NRXN3: variants seen among roughly 807,000 people sequenced by gnomAD.
NRXN3 encodes neurexin III.
Under a neutral mutation model 137.6 loss-of-function variants are expected in NRXN3, and 32 were observed. That is an observed-to-expected ratio of 0.23 (90% CI 0.18 to 0.31). The LOEUF (loss-of-function observed/expected upper bound fraction) is 0.31. Ranked by LOEUF, NRXN3 falls within the 10% of genes least tolerant of loss-of-function variation. The probability of loss-of-function intolerance (pLI) is 1.00; values close to 1 mark genes in which losing one functional copy is unlikely to be tolerated. For synonymous variants in NRXN3, 798 were observed against 784.5 expected (o/e 1.02, Z -0.29); for missense variants, 1,574 against 2,062.5 (o/e 0.76, Z 4.59).
chr14:79,247,085 T>C (rs554400805), intron 15 of NRXN3: 12 of 152,308 alleles, frequency 7.9e-5, no homozygotes, highest in African/African-American at 2.4e-4. Context: ...TCTGGGGTCG[T>C]TGGTTTTGCA....
rs562244542 is a variant in NRXN3, at chr14:79,772,562, C to G, written c.4015-32550C>G. On this transcript the variant is annotated intron_variant, in intron 19 of 20. Coordinates refer to ENST00000335750, the MANE Select transcript of NRXN3 (RefSeq NM_001330195.2). ...TATTTAATAAATGGTGCTGGGAAAA[C>G]TGGCTAGCCATATGTAGAAAGCTCA... 9.8e-5 allele frequency among the ~76,000 whole-genome samples: 15 copies of G among 152,304 alleles called. No homozygotes were observed. In the South Asian group the frequency reaches 2.9e-3, roughly 29 times the overall value.
At chr14:78,519,929 A>G (rs2096263304) in intron 4 of NRXN3, among the ~76,000 whole-genome samples, 1 of 152,212 alleles carries the variant, frequency 6.6e-6, no homozygotes, top group African/African-American at 2.4e-5. Flanking sequence ...AATACTAGGT[A>G]TGCAACAGTG....
intron 19 of NRXN3, among the ~76,000 whole-genome samples, chr14:79,737,021 A>T (rs1171649338): frequency 1.3e-5 from 2 of 152,228 alleles, no homozygotes; most frequent in Admixed American, 6.5e-5. Flanking sequence ...TAGCTATTTG[A>T]TGTACATCAA....
At chr14:79,237,151 A>G (rs1469580482) in intron 15 of NRXN3, among the ~76,000 whole-genome samples, 1 of 151,908 alleles carries the variant, frequency 6.6e-6, no homozygotes, top group Non-Finnish European at 1.5e-5. Flanking sequence ...AAATCAACTT[A>G]TGTCTCAACA....
Position 79,444,826 on chromosome 14 carries a change from TA to T in NRXN3, c.3263-22388del, listed in dbSNP as rs576587949. 1.0e-3 allele frequency among the ~76,000 whole-genome samples: 154 copies of T among 152,104 alleles called. 2 individuals are homozygous for T. Among genetic ancestry groups the T allele is most frequent in the African/African-American group, 3.5e-3 (146 of 41,478 alleles). ...GGGTGACAGAGTCAGACCTTGTCTC[TA>T]AAAAAATAAATTTAAAAATAACATT... On this transcript the variant is annotated intron_variant, in intron 15 of 20. Coordinates refer to ENST00000335750, the MANE Select transcript of NRXN3 (RefSeq NM_001330195.2).
At position 79,740,710 on chromosome 14, in the gene NRXN3, TTTTATATATATATATA is replaced by T. The variant is rs1235219501; in HGVS notation, c.4014+42775_4014+42790del. 5.1e-3 allele frequency among the ~76,000 whole-genome samples: 379 copies of T among 73,680 alleles called. 25 individuals carry two copies. The highest frequency in any genetic ancestry group is 0.014 in the African/African-American group (259 of 18,566). 48.3% of individuals were successfully genotyped at this position (73,680 alleles called of 152,430 possible). ...TTTCCACTGGACTTTGCATTTAGTTTTTTATATATATATATATATATATATATATATATATATATAT... is the reference window on the plus strand; with the variant it reads ...TTTCCACTGGACTTTGCATTTAGTTTTATATATATATATATATATATATAT... On this transcript the variant is annotated intron_variant, in intron 19 of 20. Coordinates refer to ENST00000335750, the MANE Select transcript of NRXN3 (RefSeq NM_001330195.2).
chr14:79,206,328 A>G (rs1234927631), intron 15 of NRXN3, among the ~76,000 whole-genome samples: 2 of 152,160 alleles, frequency 1.3e-5, no homozygotes, highest in African/African-American at 4.8e-5. Flanking sequence ...TCTAGAGGAG[A>G]AAACTCAGCT....
chr14:79,486,913 TTCTCTCTCTC>T (rs58861355), intron 16 of NRXN3, among the ~76,000 whole-genome samples: 10,146 of 128,458 alleles, frequency 0.079, 559 homozygotes, highest in South Asian at 0.18. Flanking sequence ...TCTTTACAGG[TTCTCTCTCTC>T]TCTCTCTCTC....
At chr14:79,502,001 G>T in intron 16 of NRXN3, among the ~76,000 whole-genome samples, 1 of 152,286 alleles carries the variant, frequency 6.6e-6, no homozygotes, top group East Asian at 1.9e-4. Flanking sequence ...CTTGAGTGCA[G>T]ATCTGATTCT....
intron 15 of NRXN3, among the ~76,000 whole-genome samples, chr14:79,008,339 T>C (rs1281672307): frequency 6.6e-6 from 1 of 152,172 alleles, no homozygotes; most frequent in Non-Finnish European, 1.5e-5. Context: ...TTAACAAGCG[T>C]CAACATTTTG....
chr14:79,280,062 C>T, intron 15 of NRXN3: 3 of 1,347,942 alleles, frequency 2.2e-6, no homozygotes, highest in Non-Finnish European at 1.9e-6. Flanking sequence ...TTCTAAATTT[C>T]AGCTCCGGGA....
chr14:79,294,581 C>T (rs2083730740), intron 15 of NRXN3, among the ~76,000 whole-genome samples: 1 of 152,108 alleles, frequency 6.6e-6, no homozygotes, highest in African/African-American at 2.4e-5. Context: ...ATGACTTGAT[C>T]AGAGTCATCC....
chr14:78,678,070 G>A (rs1208596228), intron 6 of NRXN3, among the ~76,000 whole-genome samples: 1 of 152,084 alleles, frequency 6.6e-6, no homozygotes, highest in Admixed American at 6.6e-5. Context: ...TCACTTTATT[G>A]TGATAGTCTC....
intron 15 of NRXN3, among the ~76,000 whole-genome samples, chr14:79,350,652 G>T (rs1056884221): frequency 6.6e-6 from 1 of 152,088 alleles, no homozygotes. Context: ...ACAATCAAAA[G>T]CCCATTTTCT....
intron 16 of NRXN3, among the ~76,000 whole-genome samples, chr14:79,538,520 G>A (rs1239311593): frequency 1.3e-5 from 2 of 152,090 alleles, no homozygotes; most frequent in Non-Finnish European, 2.9e-5. Context: ...TTCTACATAT[G>A]GCTAGCCAGT....
chr14:78,555,741 A>G (rs1415782196), intron 4 of NRXN3, among the ~76,000 whole-genome samples: 2 of 152,252 alleles, frequency 1.3e-5, no homozygotes, highest in Non-Finnish European at 2.9e-5. Flanking sequence ...ATGAAGTAAC[A>G]GTAAGGGCTG....
chr14:78,753,738 G>T, intron 8 of NRXN3: 1 of 152,188 alleles, frequency 6.6e-6, no homozygotes, highest in East Asian at 1.9e-4. Context: ...GTTGAAATTG[G>T]CAGAGCTGAG....
At chr14:78,980,942 T>A (rs2099487759) in intron 14 of NRXN3, among the ~76,000 whole-genome samples, 1 of 152,156 alleles carries the variant, frequency 6.6e-6, no homozygotes, top group East Asian at 1.9e-4. Context: ...CTTATACCAT[T>A]CCTATACAGG....
At chr14:79,804,977 T>C in intron 19 of NRXN3, 135 bp from the exon 20 acceptor site, 1 of 639,380 alleles carries the variant, frequency 1.6e-6, no homozygotes. Context: ...CGGTATGCCC[T>C]CTCTAGAAAA....
Sources: gnomAD v4.1 joint callset for allele counts (sites outside exome capture counted in the v4.1 genomes callset) on GRCh38, gnomAD v4.1.1 for gene constraint, MANE v1.5 for transcripts, NCBI Gene and HGNC (gene_info 2026-07-23, HGNC 2026-07-21) for gene names.